Variants in CMIP observed in about 807,000 individuals in gnomAD.
CMIP encodes c-Maf inducing protein, also known as C-Maf-inducing protein.
In CMIP, 13 loss-of-function variants were observed where a neutral mutation model predicts 97.3. The ratio of observed to expected loss-of-function variants is 0.13; its 90% CI spans 0.09 to 0.21. The LOEUF is 0.21. Ranked by LOEUF, CMIP falls within the 10% of genes least tolerant of loss-of-function variation. The probability of loss-of-function intolerance (pLI) is 1.00; values close to 1 mark genes in which losing one functional copy is unlikely to be tolerated. For synonymous variants in CMIP, 538 were observed against 436.3 expected (o/e 1.23, Z -2.91); for missense variants, 847 against 1,024.9 (o/e 0.83, Z 2.37).
intron 1 of CMIP, among the ~76,000 whole-genome samples, chr16:81,456,406 C>T (rs1044557407): frequency 6.6e-6 from 1 of 152,196 alleles, no homozygotes; most frequent in African/African-American, 2.4e-5. Context: ...GAGCCAGTGG[C>T]CTCCAGATGT....
intron 1 of CMIP, among the ~76,000 whole-genome samples, chr16:81,562,100 C>T (rs1440477088): frequency 6.6e-6 from 1 of 152,182 alleles, no homozygotes; most frequent in Non-Finnish European, 1.5e-5. Flanking sequence ...AGTGAGGGTT[C>T]CATGGTTGTT....
rs1162478542 is a variant in CMIP at position 81,710,285 on chromosome 16, T to C, written c.*486T>C. ...GTCACATCACTGCACCCGTCCTGTG[T>C]CCTCACCATTGCTATGCAAAGTGAT... is the stretch of plus-strand genomic sequence containing the variant. On this transcript the variant is annotated 3_prime_UTR_variant, in exon 21 of 21. Coordinates refer to ENST00000537098, the MANE Select transcript of CMIP (RefSeq NM_198390.3). The C allele has an allele frequency of 2.3e-5, 4 of 173,138 alleles. No individual in the cohort carries two copies. Among genetic ancestry groups the C allele is most frequent in the African/African-American group, 9.5e-5 (4 of 42,220 alleles). The allele number at this position is 173,138 out of a possible 1,614,324, so 10.7% of individuals were successfully genotyped here.
At chr16:81,602,213 C>T (rs2091669027) in intron 1 of CMIP, among the ~76,000 whole-genome samples, 1 of 152,046 alleles carries the variant, frequency 6.6e-6, no homozygotes, top group African/African-American at 2.4e-5. Flanking sequence ...TGGAGCTTGC[C>T]ATTCAGAGCA....
At chr16:81,628,213 C>G (rs549956837) in intron 3 of CMIP, among the ~76,000 whole-genome samples, 7 of 152,250 alleles carry the variant, frequency 4.6e-5, no homozygotes, top group African/African-American at 1.7e-4. Context: ...TCCCCTGGGT[C>G]GCCTCCTGGT....
chr16:81,495,575 C>A (rs978622286), intron 1 of CMIP: 47 of 1,458,462 alleles, frequency 3.2e-5, no homozygotes, highest in Non-Finnish European at 4.4e-5. Flanking sequence ...GGCCACAGGC[C>A]AGTGAAATTC....
chr16:81,551,050 C>T (rs1249457499), intron 1 of CMIP, among the ~76,000 whole-genome samples: 2 of 145,574 alleles, frequency 1.4e-5, no homozygotes, highest in South Asian at 2.2e-4. Context: ...CCGTCACACG[C>T]ACCCCAGTCC....
At chr16:81,508,223 G>A (rs1386570227) in intron 1 of CMIP, among the ~76,000 whole-genome samples, 3 of 152,210 alleles carry the variant, frequency 2.0e-5, no homozygotes, top group African/African-American at 7.2e-5. Flanking sequence ...AAGGAAATGT[G>A]GTGAAAAGTC....
In CMIP at chr16:81,556,433, C is replaced by CTGCA. The variant is rs1189787209; in HGVS notation, c.301-51133_301-51130dup. On this transcript the variant is annotated intron_variant, in intron 1 of 20. Transcript: ENST00000537098. The stretch of plus-strand genomic sequence containing the variant: ...ATTGATGGATCACATAGTAACTTGG[C>CTGCA]TGCACCCTTTTATATTCGCGCCAAC... Among the ~76,000 whole-genome samples the CTGCA allele has an allele frequency of 2.6e-5, 4 of 152,280 alleles. No homozygotes were observed. The East Asian group carries it at 7.7e-4, about 29-fold the overall frequency.
At chr16:81,657,848 C>T (rs750770265) in intron 5 of CMIP, 32 bp downstream of exon 5, 1 of 1,572,664 alleles carries the variant, frequency 6.4e-7, no homozygotes, top group Non-Finnish European at 8.7e-7. Context: ...TCCCTCCACC[C>T]ACCTCCGCCT....
intron 1 of CMIP, among the ~76,000 whole-genome samples, chr16:81,600,257 C>G (rs917023802): frequency 8.6e-6 from 1 of 115,858 alleles, no homozygotes; most frequent in African/African-American, 3.4e-5. Flanking sequence ...GCCTAGGCGA[C>G]AGAGTGAGAC....
chr16:81,477,783 A>C (rs1485011760), intron 1 of CMIP, among the ~76,000 whole-genome samples: 5 of 152,210 alleles, frequency 3.3e-5, no homozygotes, highest in Non-Finnish European at 5.9e-5. Context: ...CGTTCTTAGC[A>C]CCATGGGCCA....
intron 1 of CMIP, among the ~76,000 whole-genome samples, chr16:81,580,877 C>T (rs570417620): frequency 3.1e-4 from 47 of 152,260 alleles, no homozygotes; most frequent in African/African-American, 8.4e-4. Flanking sequence ...TATCTAATTC[C>T]GAAACCTCTT....
At chr16:81,529,725 C>T (rs1160918815) in intron 1 of CMIP, among the ~76,000 whole-genome samples, 2 of 152,116 alleles carry the variant, frequency 1.3e-5, no homozygotes, top group East Asian at 3.9e-4. Context: ...AGGCAGAGAG[C>T]AGCCTTGCAA....
rs2151056631 is a variant in CMIP at position 81,678,544 on chromosome 16, G to C, written c.1304G>C (p.Ser435Thr). The change falls in exon 10 of 21, where the codon AGC (serine) becomes ACC (threonine). Residue 435 changes from serine to threonine, a missense_variant. Ser to Thr is a moderately conservative substitution (Grantham distance 58, BLOSUM62 1). This residue lies in a region of CMIP where 202 missense variants were observed against 168.7 expected (regional missense o/e 1.20). Transcript: ENST00000537098. ...EPNLIDCLMVSPACSTMSIEL... is the reference protein window; with the variant it reads ...EPNLIDCLMVTPACSTMSIEL... ...AACCTCATCGACTGCCTCATGGTCA[G>C]CCCCGCCTGCAGCACCATGAGCATC... The C allele has an allele frequency of 6.2e-7, 1 of 1,606,686 alleles. No individual in the cohort carries two copies. Among genetic ancestry groups the C allele is most frequent in the East Asian group, 2.2e-5 (1 of 44,702 alleles).
rs145982098 is a variant in CMIP, at chr16:81,629,745, G to A, written c.477+8819G>A. On this transcript the variant is annotated intron_variant, in intron 3 of 20. Coordinates refer to ENST00000537098, the MANE Select transcript of CMIP (RefSeq NM_198390.3). ...ATGGCAGCTCAGACATCCCAGTGCC[G>A]TGCCACAGCGCCCAAGGGAGGCTTC... 1.5e-3 allele frequency among the ~76,000 whole-genome samples: 226 copies of A among 152,336 alleles called. 3 individuals are homozygous for A. The highest frequency in any genetic ancestry group is 5.1e-3 in the African/African-American group (212 of 41,584).
At chr16:81,684,892 C>G (rs993968606) in intron 10 of CMIP, among the ~76,000 whole-genome samples, 1 of 152,228 alleles carries the variant, frequency 6.6e-6, no homozygotes, top group African/African-American at 2.4e-5. Flanking sequence ...CCAGGCCAGC[C>G]TTGGCCAAAT....
intron 7 of CMIP, chr16:81,667,155 C>T (rs1033709574): frequency 4.6e-5 from 7 of 152,208 alleles, no homozygotes; most frequent in African/African-American, 1.7e-4. Context: ...TGGGGGCTCC[C>T]CCATTCTGGG....
intron 1 of CMIP, among the ~76,000 whole-genome samples, chr16:81,525,062 C>G (rs2085546): frequency 0.35 from 52,513 of 151,950 alleles, 9,805 homozygotes; most frequent in African/African-American, 0.48. Context: ...TCCCAAAGTA[C>G]TGGGATTACA....
rs1023968449 is a variant in CMIP, at chr16:81,699,774, A to T, written c.1728A>T (p.Ala576=). The T allele has an allele frequency of 6.2e-7, 1 of 1,613,110 alleles. No homozygotes were observed. Among genetic ancestry groups the T allele is most frequent in the Non-Finnish European group, 8.5e-7 (1 of 1,179,402 alleles). ...ENKLGPCMLL[A]LRGNQTMVEI... is the part of the protein sequence containing the mutation. ...AGCTGGGTCCCTGCATGCTCCTGGC[A>T]CTGAGGGGGAACCAGACCATGGTGG... Residue 576 remains alanine (A), a synonymous_variant, in exon 15 of 21, where the codon GCA becomes GCT. Coordinates refer to ENST00000537098, the MANE Select transcript of CMIP (RefSeq NM_198390.3).
Sources: gnomAD v4.1 joint callset for allele counts (sites outside exome capture counted in the v4.1 genomes callset) on GRCh38, gnomAD v4.1.1 for gene constraint, gnomAD v4.1.1 regional missense constraint, MANE v1.5 for transcripts, NCBI Gene and HGNC (gene_info 2026-07-23, HGNC 2026-07-21) for gene names.